The following PPFIBP1 variants were observed in gnomAD, a reference collection of about 807,000 sequenced individuals.
The protein encoded by PPFIBP1 is PPFIB scaffold protein 1, also known as liprin-beta-1.
A neutral mutation model predicts 137.8 loss-of-function variants in PPFIBP1; 112 were observed. That is an observed-to-expected ratio of 0.81 (90% confidence interval 0.70 to 0.95). PPFIBP1 has a LOEUF of 0.95. Among genes scored for constraint, PPFIBP1 ranks in the 40% least tolerant of loss-of-function variants. The pLI, the probability that PPFIBP1 is intolerant of heterozygous loss-of-function variation, is 0.00. For missense variants in PPFIBP1, 1,083 were observed against 1,196.6 expected (o/e 0.91, Z 1.40); for synonymous variants, 378 against 417.3 (o/e 0.91, Z 1.15).
intron 2 of PPFIBP1, among the ~76,000 whole-genome samples, chr12:27,593,130 A>AAAAAG (rs2052738325): frequency 1.7e-4 from 2 of 11,908 alleles, no homozygotes; most frequent in Admixed American, 2.2e-3. Context: ...AGAATGTCTC[A>AAAAAG]AAAAAAAAAA....
At chr12:27,664,878 T>A (rs911309316) in intron 12 of PPFIBP1, among the ~76,000 whole-genome samples, 12 of 152,142 alleles carry the variant, frequency 7.9e-5, no homozygotes, top group Admixed American at 6.5e-4. Flanking sequence ...GCAGAGGGAC[T>A]CACTGAAGGG....
intron 9 of PPFIBP1, among the ~76,000 whole-genome samples, chr12:27,657,542 T>A (rs2059281540): frequency 6.6e-6 from 1 of 151,614 alleles, no homozygotes; most frequent in Non-Finnish European, 1.5e-5. Flanking sequence ...TTATCCATTT[T>A]ATGAACATTA....
chr12:27,669,766 T>A lies in PPFIBP1; in HGVS notation c.1147-1665T>A, dbSNP rs142435487. On this transcript the variant is annotated intron_variant, in intron 13 of 29. Transcript: ENST00000228425. ...TATAATAATTCGACTTCACATTTTA[T>A]AACCTTTTATTGTGTTAAAGGATGA... Among the ~76,000 whole-genome samples, 30 of 152,362 alleles carry A rather than the reference T, an allele frequency of 2.0e-4. 1 individual carries two copies. Among genetic ancestry groups the A allele is most frequent in the Admixed American group, 1.2e-3 (19 of 15,300 alleles).
At chr12:27,667,047 G>T in intron 12 of PPFIBP1, 119 bp from the exon 13 acceptor site, 1 of 1,067,236 alleles carries the variant, frequency 9.4e-7, no homozygotes. Flanking sequence ...AGCTGACTCT[G>T]ATTTTTGAGG....
At position 27,676,460 on chromosome 12, in the gene PPFIBP1, GACCCTT is replaced by G; in HGVS notation, c.1444_1449del (p.Thr482_Leu483del). ...CTCCGGCAGAAAGCAGGCCATTTGG[GACCCTT>G]CCTCCCAGGCCCCCAGGGCAGGACA... On this transcript the variant is annotated inframe_deletion, in exon 18 of 30. Coordinates refer to ENST00000228425, the MANE Select transcript of PPFIBP1 (RefSeq NM_003622.4). 6.4e-7 allele frequency: 1 copy of G among 1,567,006 alleles called. No homozygotes were observed. Among genetic ancestry groups the G allele is most frequent in the East Asian group, 2.3e-5 (1 of 43,536 alleles).
chr12:27,593,452 A>T, intron 2 of PPFIBP1: 1 of 454,144 alleles, frequency 2.2e-6, no homozygotes, highest in Non-Finnish European at 4.4e-6. Flanking sequence ...AGACTACATA[A>T]CATCTTTATT....
intron 8 of PPFIBP1, among the ~76,000 whole-genome samples, chr12:27,655,398 ATGT>A (rs1163216207): frequency 3.9e-5 from 6 of 152,214 alleles, no homozygotes; most frequent in African/African-American, 1.4e-4. Context: ...GGGATCCCTG[ATGT>A]TGTTTTCAGA....
chr12:27,663,613 G>C (rs1452552335), intron 11 of PPFIBP1, among the ~76,000 whole-genome samples: 1 of 152,186 alleles, frequency 6.6e-6, no homozygotes, highest in Non-Finnish European at 1.5e-5. Flanking sequence ...GGCCAAGGTG[G>C]ACAGATTACT....
intron 2 of PPFIBP1, among the ~76,000 whole-genome samples, chr12:27,588,095 C>T (rs2052010439): frequency 6.6e-6 from 1 of 152,138 alleles, no homozygotes; most frequent in Non-Finnish European, 1.5e-5. Context: ...CTGTTGGTGT[C>T]CTCATAATTA....
chr12:27,603,865 G>A (rs766461080), intron 2 of PPFIBP1, among the ~76,000 whole-genome samples: 7 of 152,182 alleles, frequency 4.6e-5, no homozygotes, highest in Non-Finnish European at 8.8e-5. Flanking sequence ...TCTAAATTGG[G>A]TAGACAACCC....
chr12:27,544,934 C>T (rs1946072597), intron 1 of PPFIBP1, among the ~76,000 whole-genome samples: 1 of 151,990 alleles, frequency 6.6e-6, no homozygotes, highest in African/African-American at 2.4e-5. Flanking sequence ...TACATGCACA[C>T]GTGTGTTTAT....
At chr12:27,602,482 A>G (rs1054725267) in intron 2 of PPFIBP1, among the ~76,000 whole-genome samples, 5 of 152,220 alleles carry the variant, frequency 3.3e-5, no homozygotes, top group Non-Finnish European at 7.3e-5. Flanking sequence ...AACTGTAGTC[A>G]CCATGCTGTA....
At chr12:27,664,855 C>G (rs914822892) in intron 12 of PPFIBP1, among the ~76,000 whole-genome samples, 4 of 152,142 alleles carry the variant, frequency 2.6e-5, no homozygotes, top group African/African-American at 9.7e-5. Flanking sequence ...TGGAGTTAAG[C>G]TCTTGCTCAA....
At position 27,692,655 on chromosome 12, in the gene PPFIBP1, C is replaced by T. The variant is rs375535195; in HGVS notation, c.2930C>T (p.Thr977Met). The T allele has an allele frequency of 9.9e-6, 16 of 1,613,968 alleles. No homozygotes were observed. Among genetic ancestry groups the T allele is most frequent in the Middle Eastern group, 1.6e-4 (1 of 6,078 alleles). ...TTCTCTGAAGGCATCAACAATCTGA[C>T]GGTGAGTTTGTGAAATGAATTGAAA... The part of the protein sequence containing the change: ...GAFSEGINNL[T>M]HMLKEDDMFK... The change falls in exon 29 of 30, where the codon ACG becomes ATG. Residue 977 changes from threonine to methionine, a missense_variant and splice_region_variant. Transcript: ENST00000228425.
intron 12 of PPFIBP1, among the ~76,000 whole-genome samples, chr12:27,666,864 G>C (rs1055558032): frequency 6.6e-6 from 1 of 152,178 alleles, no homozygotes; most frequent in Non-Finnish European, 1.5e-5. Context: ...AGTTACAAGA[G>C]AGTTGTTGGA....
chr12:27,646,932 C>T (rs897543139), intron 5 of PPFIBP1, among the ~76,000 whole-genome samples: 3 of 152,184 alleles, frequency 2.0e-5, no homozygotes, highest in African/African-American at 7.2e-5. Context: ...GAGTTGCCCC[C>T]CCTGACTTTG....
At chr12:27,589,506 G>A (rs989010454) in intron 2 of PPFIBP1, among the ~76,000 whole-genome samples, 12 of 152,204 alleles carry the variant, frequency 7.9e-5, no homozygotes, top group Non-Finnish European at 1.2e-4. Context: ...AAAATACTTC[G>A]TCCTGCTTTC....
chr12:27,608,302 G>A (rs1156330685), intron 2 of PPFIBP1, among the ~76,000 whole-genome samples: 6 of 152,190 alleles, frequency 3.9e-5, no homozygotes, highest in Admixed American at 6.5e-5. Flanking sequence ...CCAAAGAGTA[G>A]TATTTTTTAG....
chr12:27,656,586 G>T, intron 8 of PPFIBP1, 30 bp from the exon 9 acceptor site: 1 of 1,343,738 alleles, frequency 7.4e-7, no homozygotes, highest in South Asian at 1.2e-5. Context: ...GTCATGATCT[G>T]CTATTTTTAA....
Sources: allele counts gnomAD v4.1 joint callset (sites outside exome capture counted in the v4.1 genomes callset), GRCh38; gene constraint gnomAD v4.1.1; transcripts MANE v1.5; gene names NCBI Gene and HGNC (gene_info 2026-07-23, HGNC 2026-07-21).